The following SGMS1 variants were observed in gnomAD, a reference collection of about 807,000 sequenced individuals.
The protein encoded by SGMS1 is sphingomyelin synthase 1.
SGMS1 carries 13 observed loss-of-function variants against 46.2 expected under a neutral mutation model. The observed-to-expected ratio is 0.28, with a 90% CI of 0.18 to 0.45. The LOEUF is 0.45. Ranked by LOEUF, SGMS1 falls within the 20% of genes least tolerant of loss-of-function variation. The pLI, the probability that SGMS1 is intolerant of heterozygous loss-of-function variation, is 1.00. For missense variants in SGMS1, 324 were observed against 519.9 expected (o/e 0.62, Z 3.66); for synonymous variants, 203 against 187.8 (o/e 1.08, Z -0.66).
chr10:50,454,304 G>C (rs960909337), intron 5 of SGMS1, among the ~76,000 whole-genome samples: 1 of 152,008 alleles, frequency 6.6e-6, no homozygotes, highest in Non-Finnish European at 1.5e-5. Flanking sequence ...GAAGGGAATA[G>C]AACTATGAAT....
intron 2 of SGMS1, among the ~76,000 whole-genome samples, chr10:50,545,618 A>G (rs1379270573): frequency 1.3e-5 from 2 of 152,034 alleles, no homozygotes; most frequent in Non-Finnish European, 2.9e-5. Flanking sequence ...GTAGTTTTTT[A>G]GTCGAGACAG....
At chr10:50,311,691 T>C (rs185922314) in intron 8 of SGMS1, among the ~76,000 whole-genome samples, 3 of 152,328 alleles carry the variant, frequency 2.0e-5, no homozygotes, top group South Asian at 2.1e-4. Flanking sequence ...TTTTCAAAAA[T>C]TACAATGACA....
chr10:50,401,625 A>G (rs965528057), intron 6 of SGMS1, among the ~76,000 whole-genome samples: 9 of 152,122 alleles, frequency 5.9e-5, no homozygotes, highest in Non-Finnish European at 8.8e-5. Context: ...ACACCAACCA[A>G]CCAGAAATAC....
At chr10:50,406,169 C>T (rs1349803693) in intron 6 of SGMS1, among the ~76,000 whole-genome samples, 1 of 152,106 alleles carries the variant, frequency 6.6e-6, no homozygotes, top group African/African-American at 2.4e-5. Context: ...CCATTTACAG[C>T]CTGATTTGCA....
chr10:50,557,043 G>A (rs1240541490), intron 2 of SGMS1, among the ~76,000 whole-genome samples: 5 of 152,124 alleles, frequency 3.3e-5, no homozygotes, highest in African/African-American at 7.2e-5. Flanking sequence ...ATATTAATAA[G>A]CTTCACATAG....
intron 2 of SGMS1, among the ~76,000 whole-genome samples, chr10:50,520,712 C>T (rs528963725): frequency 6.6e-6 from 1 of 152,210 alleles, no homozygotes; most frequent in South Asian, 2.1e-4. Flanking sequence ...CATAGATACG[C>T]CAACAGAGAT....
At chr10:50,330,070 T>C (rs1196110319) in intron 7 of SGMS1, among the ~76,000 whole-genome samples, 1 of 152,230 alleles carries the variant, frequency 6.6e-6, no homozygotes, top group Non-Finnish European at 1.5e-5. Flanking sequence ...TAAGCTTTTT[T>C]ATATTCCTAA....
intron 7 of SGMS1, among the ~76,000 whole-genome samples, 195 bp from the exon 8 acceptor site, chr10:50,327,517 A>AT (rs1444850006): frequency 6.6e-6 from 1 of 152,218 alleles, no homozygotes; most frequent in Admixed American, 6.5e-5. Flanking sequence ...CTTTTTAAAA[A>AT]ATATATTAAC....
intron 5 of SGMS1, among the ~76,000 whole-genome samples, chr10:50,443,073 T>C (rs189162313): frequency 2.8e-4 from 42 of 152,314 alleles, no homozygotes; most frequent in African/African-American, 1.0e-3. Flanking sequence ...CTCATAAGTT[T>C]AGAATATTTA....
rs373266528 is a variant in SGMS1 at position 50,589,251 on chromosome 10, ACTCT to A, written c.-589+898_-589+901del. ...TACTTATCTGTTCATTAAAGAAATC[ACTCT>A]CTCTCTCTCCGTGTGTGTGAGAGAG... On this transcript the variant is annotated intron_variant, in intron 2 of 10. Transcript: ENST00000361781. Among the ~76,000 whole-genome samples, 6 of 151,168 alleles carry A rather than the reference ACTCT, an allele frequency of 4.0e-5. No individual in the cohort carries two copies. In the East Asian group the frequency reaches 9.8e-4, roughly 25 times the overall value.
At chr10:50,474,249 C>T (rs1035134190) in intron 3 of SGMS1, 4 of 152,166 alleles carry the variant, frequency 2.6e-5, no homozygotes, top group Non-Finnish European at 5.9e-5. Context: ...GATAAAACCA[C>T]CTTCTTTTAG....
chr10:50,542,447 A>G (rs114620597), intron 2 of SGMS1, among the ~76,000 whole-genome samples: 1,747 of 152,212 alleles, frequency 0.011, 30 homozygotes, highest in African/African-American at 0.04. Flanking sequence ...CAAAGAAGAA[A>G]CACTAAAATT....
intron 5 of SGMS1, among the ~76,000 whole-genome samples, chr10:50,434,883 C>CA (rs11398784): frequency 0.59 from 65,427 of 110,066 alleles, 17,543 homozygotes; most frequent in Middle Eastern, 0.7. Context: ...GACTCCGTCT[C>CA]AAAAAAAAAA....
chr10:50,322,554 C>T (rs888773067), intron 8 of SGMS1, among the ~76,000 whole-genome samples: 6 of 152,188 alleles, frequency 3.9e-5, no homozygotes, highest in African/African-American at 9.6e-5. Flanking sequence ...GAAGAGGGGC[C>T]GGGCGCGGTG....
At chr10:50,620,120 C>G (rs1425380326) in intron 1 of SGMS1, among the ~76,000 whole-genome samples, 3 of 152,350 alleles carry the variant, frequency 2.0e-5, no homozygotes, top group Middle Eastern at 3.4e-3. Flanking sequence ...AACCAAGCTA[C>G]CTTCCTGGGG....
Position 50,344,346 on chromosome 10 carries a change from CTG to C in SGMS1, c.-231-3_-231-2del, listed in dbSNP as rs1315723706. 1.9e-5 allele frequency: 9 copies of C among 478,762 alleles called. No homozygotes were observed. The East Asian group carries it at 2.5e-4, about 13-fold the overall frequency. 29.7% of individuals were successfully genotyped at this position (478,762 alleles called of 1,614,324 possible). On this transcript the variant is annotated splice_acceptor_variant and splice_polypyrimidine_tract_variant and intron_variant, in intron 6 of 10. Coordinates refer to ENST00000361781, the MANE Select transcript of SGMS1 (RefSeq NM_147156.4). LOFTEE classifies it low-confidence loss of function (5UTR_SPLICE). ...TCATTTTTGAGCAGGATTCTTCCTT[CTG>C]TGAAAGCAAGAGAAAATATCAAGAT...
intron 1 of SGMS1, among the ~76,000 whole-genome samples, chr10:50,604,564 T>C (rs543275562): frequency 2.3e-4 from 35 of 152,342 alleles, no homozygotes; most frequent in Admixed American, 1.6e-3. Flanking sequence ...ATTTCTTTGA[T>C]TACATCTTGC....
intron 2 of SGMS1, among the ~76,000 whole-genome samples, chr10:50,549,456 C>G (rs993945835): frequency 6.6e-6 from 1 of 152,146 alleles, no homozygotes; most frequent in Admixed American, 6.5e-5. Context: ...AAATGAAACA[C>G]CACATGTTCT....
intron 6 of SGMS1, among the ~76,000 whole-genome samples, chr10:50,362,377 C>T (rs1471262872): frequency 3.9e-5 from 6 of 152,106 alleles, no homozygotes; most frequent in East Asian, 1.9e-4. Context: ...CTTAAGATCC[C>T]AGCCAGGGCA....
Sources: gnomAD v4.1 joint callset for allele counts (sites outside exome capture counted in the v4.1 genomes callset) on GRCh38, gnomAD v4.1.1 for gene constraint, MANE v1.5 for transcripts, NCBI Gene and HGNC (gene_info 2026-07-23, HGNC 2026-07-21) for gene names.